Variants in PLCE1 observed in about 807,000 individuals in gnomAD.
PLCE1 encodes phospholipase C epsilon 1.
A neutral mutation model predicts 242.8 loss-of-function variants in PLCE1; 119 were observed. The ratio of observed to expected loss-of-function variants is 0.49; its 90% CI spans 0.42 to 0.57. PLCE1 has a LOEUF of 0.57. Among genes scored for constraint, PLCE1 ranks in the 20% least tolerant of loss-of-function variants. The probability of loss-of-function intolerance (pLI) is 0.00; values close to 1 mark genes in which losing one functional copy is unlikely to be tolerated. For missense variants in PLCE1, 2,441 were observed against 2,788.8 expected (o/e 0.88, Z 2.81); for synonymous variants, 945 against 1,017.4 (o/e 0.93, Z 1.35).
Position 94,275,898 on chromosome 10 carries a change from A to G in PLCE1, c.4665+2178A>G, listed in dbSNP as rs372259936. ...GTTGAGCTTGTAGAAAACAAAAAGC[A>G]TTCAGTTATTTTCATATAGACTGTT... is the stretch of plus-strand genomic sequence containing the variant. On this transcript the variant is annotated intron_variant, in intron 19 of 32. Coordinates refer to ENST00000371380, the MANE Select transcript of PLCE1 (RefSeq NM_016341.4). 6.8e-4 allele frequency among the ~76,000 whole-genome samples: 103 copies of G among 152,198 alleles called. 1 individual carries two copies. The South Asian group carries it at 0.019, about 28-fold the overall frequency.
intron 1 of PLCE1, among the ~76,000 whole-genome samples, chr10:94,011,927 C>G (rs558594146): frequency 6.6e-6 from 1 of 152,128 alleles, no homozygotes; most frequent in Non-Finnish European, 1.5e-5. Context: ...TGGGGCATAA[C>G]CATTTTACTA....
chr10:94,061,759 A>T (rs1249619717), intron 2 of PLCE1, among the ~76,000 whole-genome samples: 1 of 152,238 alleles, frequency 6.6e-6, no homozygotes, highest in East Asian at 1.9e-4. Flanking sequence ...CAGGCAAATA[A>T]GGAAGTGAAA....
At chr10:94,312,714 G>A (rs2053424674) in intron 27 of PLCE1, among the ~76,000 whole-genome samples, 1 of 152,130 alleles carries the variant, frequency 6.6e-6, no homozygotes, top group Non-Finnish European at 1.5e-5. Flanking sequence ...CTAGGGACAG[G>A]CATAATGACT....
At chr10:94,139,920 A>G (rs998049464) in intron 3 of PLCE1, among the ~76,000 whole-genome samples, 2 of 152,314 alleles carry the variant, frequency 1.3e-5, no homozygotes, top group Non-Finnish European at 1.5e-5. Flanking sequence ...ATTGTCCTCA[A>G]GTAAGCCAGG....
At chr10:94,051,710 C>G (rs553255456) in intron 2 of PLCE1, among the ~76,000 whole-genome samples, 1 of 152,184 alleles carries the variant, frequency 6.6e-6, no homozygotes, top group Admixed American at 6.5e-5. Context: ...TCCACAGTTT[C>G]TAAACCTGCT....
chr10:94,135,077 TA>T (rs2046725942), intron 3 of PLCE1, among the ~76,000 whole-genome samples: 1 of 152,146 alleles, frequency 6.6e-6, no homozygotes, highest in Non-Finnish European at 1.5e-5. Flanking sequence ...CAGTTAAACA[TA>T]TTCCTTTAAC....
chr10:94,000,316 T>C (rs906759182), intron 1 of PLCE1, among the ~76,000 whole-genome samples: 1 of 152,058 alleles, frequency 6.6e-6, no homozygotes, highest in African/African-American at 2.4e-5. Flanking sequence ...GGTTCATTTA[T>C]ATCTGGCCTC....
intron 4 of PLCE1, among the ~76,000 whole-genome samples, chr10:94,221,562 C>A (rs1333232275): frequency 6.6e-6 from 1 of 152,146 alleles, no homozygotes; most frequent in Non-Finnish European, 1.5e-5. Flanking sequence ...CATGGAGAAA[C>A]CCCATCTTTC....
At chr10:94,155,002 G>A (rs2047386475) in intron 3 of PLCE1, among the ~76,000 whole-genome samples, 1 of 151,842 alleles carries the variant, frequency 6.6e-6, no homozygotes, top group Non-Finnish European at 1.5e-5. Flanking sequence ...TGACAAGGAT[G>A]TGGGGAAATT....
intron 3 of PLCE1, among the ~76,000 whole-genome samples, chr10:94,139,824 G>T (rs1429273244): frequency 2.0e-5 from 3 of 152,120 alleles, no homozygotes; most frequent in Non-Finnish European, 4.4e-5. Flanking sequence ...AGAAGGGGTG[G>T]CTGGATCTCC....
At chr10:94,161,459 C>G (rs916567170) in intron 3 of PLCE1, among the ~76,000 whole-genome samples, 3 of 151,274 alleles carry the variant, frequency 2.0e-5, no homozygotes, top group African/African-American at 7.3e-5. Flanking sequence ...GGCTCTCTGT[C>G]TGTTATTGGT....
At chr10:94,048,760 G>T (rs78425789) in intron 2 of PLCE1, among the ~76,000 whole-genome samples, 42,857 of 148,496 alleles carry the variant, frequency 0.29, 7,015 homozygotes, top group African/African-American at 0.46. Flanking sequence ...TATATATAGA[G>T]AGAGAGAGAG....
chr10:94,298,327 A>G lies in PLCE1; in HGVS notation c.5168-52A>G, dbSNP rs2052913414. ...ATGTTGTTCAGGTTTATCTTTCTAA[A>G]ATATTTAAAGTTTTCTACACTAATC... On this transcript the variant is annotated intron_variant, in intron 23 of 32. Transcript: ENST00000371380. The surrounding 1 kb of genome is among the most constrained non-coding windows in gnomAD (Gnocchi z 5.2). 6.5e-7 allele frequency: 1 copy of G among 1,536,796 alleles called. No homozygotes were observed. The highest frequency in any genetic ancestry group is 2.2e-5 in the East Asian group (1 of 44,484).
At chr10:94,077,759 A>G (rs1467237043) in intron 2 of PLCE1, among the ~76,000 whole-genome samples, 3 of 152,152 alleles carry the variant, frequency 2.0e-5, no homozygotes, top group Admixed American at 6.5e-5. Context: ...AGAGCAAGAC[A>G]CTGTTTCAAA....
intron 3 of PLCE1, among the ~76,000 whole-genome samples, chr10:94,143,894 C>T (rs1168576654): frequency 6.6e-6 from 1 of 152,166 alleles, no homozygotes; most frequent in Non-Finnish European, 1.5e-5. Flanking sequence ...CAAATGTATG[C>T]TCAAACACCA....
chr10:94,248,245 G>A (rs916616656), intron 8 of PLCE1, among the ~76,000 whole-genome samples: 2 of 152,164 alleles, frequency 1.3e-5, no homozygotes, highest in African/African-American at 4.8e-5. Flanking sequence ...ATAGGCCTAT[G>A]TACACAATTA....
At chr10:94,049,245 A>G (rs1252956891) in intron 2 of PLCE1, among the ~76,000 whole-genome samples, 2 of 152,150 alleles carry the variant, frequency 1.3e-5, no homozygotes, top group South Asian at 2.1e-4. Flanking sequence ...CTCTCTACCT[A>G]AAGTCTAAGA....
Position 94,324,557 on chromosome 10 carries a change from A to G in PLCE1, c.6710A>G (p.Glu2237Gly). 1 of 1,613,020 alleles carries G rather than the reference A, an allele frequency of 6.2e-7. No homozygotes were observed. The highest frequency in any genetic ancestry group is 1.1e-5 in the South Asian group (1 of 91,068). ...GGAAAATTCATCCTTAAGCTAAAGG[A>G]GCAGGTGCAGGTAAAGTTTAAAGTT... Reference protein sequence around the residue: ...GAGKFILKLKEQVQASREDKK... With the variant: ...GAGKFILKLKGQVQASREDKK... The change falls in exon 31 of 33, where the codon GAG becomes GGG. Residue 2237 changes from glutamate (E) to glycine (G), a missense_variant. Around this residue, in one of 5 missense-constraint regions of PLCE1, gnomAD observed 310 missense variants for 317.2 expected, o/e 0.98. Transcript: ENST00000371380.
intron 2 of PLCE1, among the ~76,000 whole-genome samples, chr10:94,049,580 T>C (rs79904895): frequency 6.6e-6 from 1 of 150,708 alleles, no homozygotes; most frequent in East Asian, 1.9e-4. Flanking sequence ...AGTTACCCTG[T>C]CTGTCTGTCT....
Sources: allele counts gnomAD v4.1 joint callset (sites outside exome capture counted in the v4.1 genomes callset), GRCh38; gene constraint gnomAD v4.1.1; regional missense constraint gnomAD v4.1.1; non-coding constraint Gnocchi (gnomAD v3.1); transcripts MANE v1.5; gene names NCBI Gene and HGNC (gene_info 2026-07-23, HGNC 2026-07-21).